Variants in MYO16 observed in about 807,000 individuals in gnomAD.
MYO16 encodes the protein unconventional myosin-XVI.
A neutral mutation model predicts 205.3 loss-of-function variants in MYO16; 94 were observed. The observed-to-expected ratio is 0.46, with a 90% confidence interval of 0.39 to 0.54. MYO16 has a LOEUF of 0.54. Ranked by LOEUF, MYO16 falls within the 20% of genes least tolerant of loss-of-function variation. The probability of loss-of-function intolerance (pLI) is 0.00; values close to 1 mark genes in which losing one functional copy is unlikely to be tolerated. For missense variants in MYO16, 2,315 were observed against 2,387.5 expected (o/e 0.97, Z 0.63); for synonymous variants, 988 against 954.0 (o/e 1.04, Z -0.66).
the MYO16 span, among the ~76,000 whole-genome samples, chr13:108,570,578 C>T: frequency 6.6e-6 from 1 of 152,124 alleles, no homozygotes; most frequent in Non-Finnish European, 1.5e-5. Context: ...GATAACACAC[C>T]AATGAAGCCA....
intron 7 of MYO16, among the ~76,000 whole-genome samples, chr13:108,810,063 AT>A (rs1594311834): frequency 1.3e-5 from 2 of 152,332 alleles, no homozygotes; most frequent in East Asian, 3.9e-4. Context: ...GTACAGACAG[AT>A]ATCTTACTCA....
intron 13 of MYO16, among the ~76,000 whole-genome samples, chr13:108,884,347 G>A (rs994527481): frequency 1.3e-5 from 2 of 152,250 alleles, no homozygotes; most frequent in Non-Finnish European, 2.9e-5. Context: ...GGTTGTTTTC[G>A]TGCTGGGTTC....
At chr13:108,802,101 T>C (rs545852094) in intron 6 of MYO16, among the ~76,000 whole-genome samples, 1 of 152,238 alleles carries the variant, frequency 6.6e-6, no homozygotes, top group Non-Finnish European at 1.5e-5. Context: ...GTTGAGACAC[T>C]GGAAATGTAT....
chr13:108,935,492 C>A (rs1219902724), intron 16 of MYO16, among the ~76,000 whole-genome samples: 1 of 152,144 alleles, frequency 6.6e-6, no homozygotes, highest in African/African-American at 2.4e-5. Context: ...TAAAGTCTAT[C>A]ATTTATCAGC....
chr13:109,081,037 A>G (rs1888265115), intron 27 of MYO16, among the ~76,000 whole-genome samples: 1 of 152,164 alleles, frequency 6.6e-6, no homozygotes, highest in Admixed American at 6.5e-5. Flanking sequence ...CTTGAAAGTT[A>G]TAAGTCATAT....
At chr13:108,940,121 A>G (rs1387220066) in intron 16 of MYO16, among the ~76,000 whole-genome samples, 3 of 152,276 alleles carry the variant, frequency 2.0e-5, no homozygotes, top group Non-Finnish European at 4.4e-5. Context: ...CTTGCTGATA[A>G]TCTTAGAAAA....
intron 20 of MYO16, among the ~76,000 whole-genome samples, chr13:108,977,527 A>G (rs981982786): frequency 1.4e-4 from 22 of 152,154 alleles, no homozygotes; most frequent in African/African-American, 5.1e-4. Flanking sequence ...ATCATATACC[A>G]TGCTCCAACT....
At chr13:109,150,761 A>T (rs566642242) in intron 32 of MYO16, among the ~76,000 whole-genome samples, 18 of 152,340 alleles carry the variant, frequency 1.2e-4, no homozygotes, top group Admixed American at 4.6e-4. Context: ...AATATTTTTC[A>T]TACTATCAAC....
At chr13:109,192,824 C>G (rs1363908628) in intron 34 of MYO16, among the ~76,000 whole-genome samples, 3 of 152,172 alleles carry the variant, frequency 2.0e-5, no homozygotes, top group Non-Finnish European at 4.4e-5. Context: ...TTGTGCAAAG[C>G]CACTGATATT....
chr13:108,758,056 A>G (rs901795051), intron 4 of MYO16, among the ~76,000 whole-genome samples: 1 of 152,194 alleles, frequency 6.6e-6, no homozygotes, highest in African/African-American at 2.4e-5. Context: ...CAGAGACTAC[A>G]GAGAGCTAGC....
chr13:109,033,538 A>G (rs1209687740), intron 23 of MYO16, among the ~76,000 whole-genome samples: 5 of 152,190 alleles, frequency 3.3e-5, no homozygotes, highest in Non-Finnish European at 5.9e-5. Context: ...AACAAGACAG[A>G]GTAGACAAAA....
chr13:109,022,489 A>G (rs1886091918), intron 23 of MYO16, among the ~76,000 whole-genome samples: 1 of 93,624 alleles, frequency 1.1e-5, no homozygotes. Flanking sequence ...TTTATGTTAT[A>G]TATACAATAT....
chr13:108,727,055 G>A (rs536981516), intron 3 of MYO16, among the ~76,000 whole-genome samples: 2 of 151,006 alleles, frequency 1.3e-5, no homozygotes, highest in South Asian at 4.2e-4. Flanking sequence ...CAGTGACAAA[G>A]GATGCATGTT....
intron 1 of MYO16, among the ~76,000 whole-genome samples, chr13:108,654,107 G>C (rs775562619): frequency 3.3e-5 from 5 of 151,882 alleles, no homozygotes; most frequent in Non-Finnish European, 1.5e-5. Flanking sequence ...ATGGGGTTAG[G>C]GTATTCCATT....
At chr13:108,928,320 C>A (rs1259177032) in intron 16 of MYO16, among the ~76,000 whole-genome samples, 1 of 152,218 alleles carries the variant, frequency 6.6e-6, no homozygotes, top group African/African-American at 2.4e-5. Context: ...CAGCTACTGG[C>A]AATATGGTTA....
In MYO16 at chr13:108,620,604, G is replaced by A. The variant is rs192170350; in HGVS notation, c.-39+24365G>A. ...TATTTCATTGGGTCAGATCAAGTCCGCCTTTATGAGGAAACTGTGGAAAGA... is the reference window on the plus strand; with the variant it reads ...TATTTCATTGGGTCAGATCAAGTCCACCTTTATGAGGAAACTGTGGAAAGA... On this transcript the variant is annotated intron_variant, in intron 1 of 24. Transcript: ENST00000251041. Among the ~76,000 whole-genome samples the A allele has an allele frequency of 3.9e-4, 60 of 152,240 alleles. 1 individual carries two copies. The highest frequency in any genetic ancestry group is 2.1e-4 in the South Asian group (1 of 4,824).
chr13:108,659,920 G>A (rs1244948732), intron 1 of MYO16, among the ~76,000 whole-genome samples: 2 of 152,118 alleles, frequency 1.3e-5, no homozygotes, highest in South Asian at 2.1e-4. Flanking sequence ...TTAGTATAAT[G>A]TACGGTTGAA....
In MYO16 at chr13:108,985,718, C is replaced by T. The variant is rs73616475; in HGVS notation, c.2370-6658C>T. 6.0e-3 allele frequency among the ~76,000 whole-genome samples: 906 copies of T among 152,260 alleles called. 10 individuals are homozygous for T. The highest frequency in any genetic ancestry group is 0.02 in the African/African-American group (820 of 41,550). On this transcript the variant is annotated intron_variant, in intron 20 of 34. Coordinates refer to ENST00000457511, the MANE Select transcript of MYO16 (RefSeq NM_001198950.3). ...GCTTCTTGTAGTAGCCAGAGCCAACCGTAATAATTTCACTATTCTAACATC... is the reference window on the plus strand; with the variant it reads ...GCTTCTTGTAGTAGCCAGAGCCAACTGTAATAATTTCACTATTCTAACATC...
At chr13:108,813,049 G>A (rs574126796) in intron 7 of MYO16, among the ~76,000 whole-genome samples, 22 of 152,132 alleles carry the variant, frequency 1.4e-4, no homozygotes, top group Non-Finnish European at 2.4e-4. Flanking sequence ...TAAAAGGAAA[G>A]TTCCATAAAA....
Sources: gnomAD v4.1 joint callset for allele counts (sites outside exome capture counted in the v4.1 genomes callset) on GRCh38, gnomAD v4.1.1 for gene constraint, MANE v1.5 for transcripts, NCBI Gene and HGNC (gene_info 2026-07-23, HGNC 2026-07-21) for gene names.